Variants in AFAP1 observed in about 807,000 individuals in gnomAD.
AFAP1 encodes the protein actin filament-associated protein 1.
AFAP1 carries 75 observed loss-of-function variants against 93.9 expected under a neutral mutation model. The observed-to-expected ratio is 0.80, with a 90% CI of 0.66 to 0.97. The LOEUF is 0.97. AFAP1 is among the 50% of genes least tolerant of loss of function. AFAP1 has a pLI of 0.00. For missense variants in AFAP1, 1,201 were observed against 1,050.8 expected (o/e 1.14, Z -1.98); for synonymous variants, 517 against 430.7 (o/e 1.20, Z -2.48).
At chr4:7,791,233 T>C (rs1198975388) in intron 11 of AFAP1, among the ~76,000 whole-genome samples, 3 of 152,212 alleles carry the variant, frequency 2.0e-5, no homozygotes, top group Non-Finnish European at 4.4e-5. Flanking sequence ...GCTGTCTGTA[T>C]GTTTCTCCTC....
Position 7,763,733 on chromosome 4 carries a change from A to C in AFAP1, c.*32T>G, listed in dbSNP as rs769313392. 1.1e-5 allele frequency: 17 copies of C among 1,551,424 alleles called. No individual in the cohort carries two copies. In the African/African-American group the frequency reaches 2.2e-4, roughly 20 times the overall value. On this transcript the variant is annotated 3_prime_UTR_variant, in exon 18 of 18. Transcript: ENST00000420658. Reference sequence around the variant, plus strand: ...TGAGGATACAGGCAAGGGGGTGTGCAGTCTCTGAGGCTGGAGTGGTGCTGC... The same window carrying C: ...TGAGGATACAGGCAAGGGGGTGTGCCGTCTCTGAGGCTGGAGTGGTGCTGC...
intron 7 of AFAP1, among the ~76,000 whole-genome samples, 163 bp from the exon 8 acceptor site, chr4:7,816,262 T>G (rs1354714759): frequency 6.6e-6 from 1 of 152,020 alleles, no homozygotes; most frequent in Non-Finnish European, 1.5e-5. Flanking sequence ...ACTGGCTGGT[T>G]AGGTGGCCAC....
intron 6 of AFAP1, among the ~76,000 whole-genome samples, chr4:7,832,716 AAG>A (rs1711778238): frequency 6.6e-6 from 1 of 152,218 alleles, no homozygotes; most frequent in African/African-American, 2.4e-5. Context: ...ACTAAGCAAA[AAG>A]AACAAACAAA....
rs968473953 is a variant in AFAP1 at position 7,759,114 on chromosome 4, A to G, written c.*4651T>C. ...ATTTTACAACGTATCACCATGGTCA[A>G]TTAATTCTGAATATCACTTAAAAGT... On this transcript the variant is annotated 3_prime_UTR_variant, in exon 18 of 18. Coordinates refer to ENST00000420658, the MANE Select transcript of AFAP1 (RefSeq NM_001134647.2). The G allele has an allele frequency of 2.0e-5, 3 of 152,692 alleles. No homozygotes were observed. Among genetic ancestry groups the G allele is most frequent in the African/African-American group, 7.2e-5 (3 of 41,470 alleles). 9.5% of individuals were successfully genotyped at this position (152,692 alleles called of 1,614,324 possible). A position where few individuals can be genotyped will look rare whatever the true frequency, so the allele number is the denominator to read the frequency against.
Position 7,816,021 on chromosome 4 carries a change from G to C in AFAP1, c.901C>G (p.Gln301Glu). The change falls in exon 8 of 18, where the codon CAA becomes GAA. Residue 301 changes from glutamine (Q) to glutamate (E), a missense_variant. Gln to Glu is a conservative substitution (Grantham distance 29). Transcript: ENST00000420658. The stretch of plus-strand genomic sequence containing the variant: ...TTTTGGCACAAGCAGAACTCACCTT[G>C]CTCCTTTCCATTACATGTGGTAATT... ...NGITTCNGKE[Q>E]VKRKKSSKSE... is the part of the protein sequence containing the mutation. The C allele has an allele frequency of 6.2e-7, 1 of 1,610,042 alleles. No homozygotes were observed. The highest frequency in any genetic ancestry group is 1.7e-4 in the Middle Eastern group (1 of 6,050).
At chr4:7,908,508 A>G (rs558601410) in intron 1 of AFAP1, among the ~76,000 whole-genome samples, 113 of 152,372 alleles carry the variant, frequency 7.4e-4, no homozygotes, top group African/African-American at 2.6e-3. Flanking sequence ...AATTGATTTA[A>G]TAAGTTTACC....
intron 5 of AFAP1, among the ~76,000 whole-genome samples, chr4:7,841,239 G>C (rs1329957213): frequency 6.6e-6 from 1 of 152,236 alleles, no homozygotes; most frequent in Non-Finnish European, 1.5e-5. Flanking sequence ...ATACCACCAT[G>C]AGAGCTCTGG....
intron 6 of AFAP1, among the ~76,000 whole-genome samples, chr4:7,830,918 G>A (rs1711539907): frequency 6.6e-6 from 1 of 152,132 alleles, no homozygotes; most frequent in Non-Finnish European, 1.5e-5. Context: ...AGCATACCAA[G>A]ATAATAATAA....
intron 1 of AFAP1, among the ~76,000 whole-genome samples, chr4:7,902,447 C>T (rs548672858): frequency 1.3e-5 from 2 of 152,278 alleles, no homozygotes; most frequent in South Asian, 4.1e-4. Context: ...AGACAGGAAG[C>T]TAAAGTGCCT....
chr4:7,899,294 T>A (rs1354736821), intron 1 of AFAP1, among the ~76,000 whole-genome samples: 2 of 152,004 alleles, frequency 1.3e-5, no homozygotes, highest in Admixed American at 1.3e-4. Context: ...AGGACCCCCG[T>A]TTCATAAGGG....
At position 7,826,422 on chromosome 4, in the gene AFAP1, G is replaced by C. The variant is rs192518680; in HGVS notation, c.727-7251C>G. Reference sequence around the variant, plus strand: ...CCTCCCAGGAGGCCCAGGCTTCCCAGAGCATCCACAGCTGGAGACAGAGCA... The same window carrying C: ...CCTCCCAGGAGGCCCAGGCTTCCCACAGCATCCACAGCTGGAGACAGAGCA... On this transcript the variant is annotated intron_variant, in intron 6 of 17. Transcript: ENST00000420658. Among the ~76,000 whole-genome samples the C allele has an allele frequency of 4.3e-4, 66 of 152,358 alleles. No individual in the cohort carries two copies. In the East Asian group the frequency reaches 9.8e-3, roughly 23 times the overall value.
intron 13 of AFAP1, among the ~76,000 whole-genome samples, chr4:7,779,720 C>T (rs543096569): frequency 9.2e-5 from 14 of 152,226 alleles, no homozygotes; most frequent in South Asian, 4.1e-4. Context: ...CTTTCTGAGC[C>T]GCCATTTGAT....
Position 7,818,953 on chromosome 4 carries a change from G to A in AFAP1, c.822+123C>T, listed in dbSNP as rs113030564. The A allele has an allele frequency of 9.0e-4, 771 of 858,460 alleles. 4 individuals are homozygous for A. The African/African-American group carries it at 0.011, about 13-fold the overall frequency. The allele number at this position is 858,460 out of a possible 1,614,324, so 53.2% of individuals were successfully genotyped here. On this transcript the variant is annotated intron_variant, in intron 7 of 17. Coordinates refer to ENST00000420658, the MANE Select transcript of AFAP1 (RefSeq NM_001134647.2). ...AGGCAGTTAAAAAGATGGGAAGCACGACTGCACTTTTTCTTTTTTAACTGG... is the reference window on the plus strand; with the variant it reads ...AGGCAGTTAAAAAGATGGGAAGCACAACTGCACTTTTTCTTTTTTAACTGG...
chr4:7,772,572 G>C (rs1417771654), intron 16 of AFAP1: 4 of 504,530 alleles, frequency 7.9e-6, no homozygotes, highest in Non-Finnish European at 1.4e-5. Context: ...TTGTGCAAAG[G>C]GGAAAGACAC....
At chr4:7,782,684 C>G (rs1716892307) in intron 12 of AFAP1, among the ~76,000 whole-genome samples, 1 of 152,200 alleles carries the variant, frequency 6.6e-6, no homozygotes, top group African/African-American at 2.4e-5. Context: ...ATTAATTCCT[C>G]TCTTATATTC....
chr4:7,844,437 C>T (rs954323859), intron 4 of AFAP1, among the ~76,000 whole-genome samples: 1 of 152,174 alleles, frequency 6.6e-6, no homozygotes, highest in Non-Finnish European at 1.5e-5. Context: ...TGGAAGCCCC[C>T]CAGTGGTGGC....
At chr4:7,818,986 G>T in intron 7 of AFAP1, 90 bp downstream of exon 7, 1 of 1,240,036 alleles carries the variant, frequency 8.1e-7, no homozygotes, top group Non-Finnish European at 1.1e-6. Context: ...TGGAAGCGCT[G>T]AAATTCTCAG....
At chr4:7,766,983 C>T (rs1714693728) in intron 17 of AFAP1, among the ~76,000 whole-genome samples, 1 of 152,010 alleles carries the variant, frequency 6.6e-6, no homozygotes, top group South Asian at 2.1e-4. Flanking sequence ...ACCCCTTGGT[C>T]CCCAGAAAAA....
intron 13 of AFAP1, 61 bp downstream of exon 13, chr4:7,781,315 C>A (rs1453662761): frequency 2.6e-6 from 4 of 1,524,686 alleles, no homozygotes; most frequent in Non-Finnish European, 3.5e-6. Context: ...AGTTGCAAAA[C>A]TCTGTTGGAG....
Sources: gnomAD v4.1 joint callset for allele counts (sites outside exome capture counted in the v4.1 genomes callset) on GRCh38, gnomAD v4.1.1 for gene constraint, MANE v1.5 for transcripts, NCBI Gene and HGNC (gene_info 2026-07-23, HGNC 2026-07-21) for gene names.